The following FANCD2 variants were observed in gnomAD, a reference collection of about 807,000 sequenced individuals.
FANCD2 encodes the protein FA complementation group D2.
In FANCD2, 131 loss-of-function variants were observed where a neutral mutation model predicts 192.3. The observed-to-expected ratio is 0.68, with a 90% CI of 0.59 to 0.79. The LOEUF (loss-of-function observed/expected upper bound fraction) is 0.79. FANCD2 is among the 30% of genes least tolerant of loss of function. FANCD2 has a pLI of 0.00. For missense variants in FANCD2, 1,508 were observed against 1,701.6 expected (o/e 0.89, Z 2.00); for synonymous variants, 524 against 612.5 (o/e 0.86, Z 2.13).
At chr3:10,042,896 A>G (rs545995277) in intron 11 of FANCD2, among the ~76,000 whole-genome samples, 154 bp from the exon 12 acceptor site, 2 of 152,320 alleles carry the variant, frequency 1.3e-5, no homozygotes, top group South Asian at 4.1e-4. Flanking sequence ...ATGACATTGC[A>G]TTGGCTATTC....
intron 1 of FANCD2, among the ~76,000 whole-genome samples, chr3:10,027,914 A>AAAAG: frequency 6.7e-6 from 1 of 149,916 alleles, no homozygotes; most frequent in African/African-American, 2.5e-5. Context: ...CAAAAAAAAA[A>AAAAG]AAAAAAAAAA....
At chr3:10,066,789 A>C (rs928635755) in intron 25 of FANCD2, among the ~76,000 whole-genome samples, 5 of 152,100 alleles carry the variant, frequency 3.3e-5, no homozygotes, top group Non-Finnish European at 5.9e-5. Flanking sequence ...CGGTGGCTCA[A>C]TCTCGGCTCA....
intron 25 of FANCD2, among the ~76,000 whole-genome samples, chr3:10,066,278 C>G (rs888795760): frequency 6.6e-6 from 1 of 152,234 alleles, no homozygotes; most frequent in Non-Finnish European, 1.5e-5. Flanking sequence ...CATATGCCTA[C>G]TGTTTTGATT....
chr3:10,035,055 C>T, intron 5 of FANCD2, 118 bp from the exon 6 acceptor site: 1 of 839,904 alleles, frequency 1.2e-6, no homozygotes. Context: ...TATTTCTTGT[C>T]TAACAGGGTA....
intron 20 of FANCD2, among the ~76,000 whole-genome samples, chr3:10,062,584 G>A (rs577981612): frequency 7.2e-5 from 11 of 152,204 alleles, no homozygotes; most frequent in East Asian, 1.9e-4. Flanking sequence ...AGTAACTGAA[G>A]AATTGCTTCT....
rs536787122 is a variant in FANCD2, at chr3:10,055,128, A to G, written c.1656+2631A>G. Among the ~76,000 whole-genome samples the G allele has an allele frequency of 7.4e-4, 112 of 152,332 alleles. 1 individual carries two copies. The South Asian group carries it at 0.018, about 25-fold the overall frequency. On this transcript the variant is annotated intron_variant, in intron 18 of 43. Coordinates refer to ENST00000675286, the MANE Select transcript of FANCD2 (RefSeq NM_001018115.3). ...TGCTTCAAATCAGCAATATAAAACTACTTCACTATTTTATTTTATTTTTGA... is the reference window on the plus strand; with the variant it reads ...TGCTTCAAATCAGCAATATAAAACTGCTTCACTATTTTATTTTATTTTTGA...
chr3:10,064,885 G>A lies in FANCD2; in HGVS notation c.2168+10G>A. 1 of 1,613,632 alleles carries A rather than the reference G, an allele frequency of 6.2e-7. No homozygotes were observed. On this transcript the variant is annotated intron_variant, in intron 23 of 43. Coordinates refer to ENST00000675286, the MANE Select transcript of FANCD2 (RefSeq NM_001018115.3). ...AGGAATCAGGCCAAAAGTCAGTATA[G>A]TTTTTCTTTTCTAAACCTGTTAGTG...
Position 10,039,776 on chromosome 3 carries a change from A to G in FANCD2, c.626A>G (p.His209Arg), listed in dbSNP as rs766042324. 1.1e-5 allele frequency: 17 copies of G among 1,613,952 alleles called. No individual in the cohort carries two copies. Among genetic ancestry groups the G allele is most frequent in the Non-Finnish European group, 1.4e-5 (16 of 1,180,028 alleles). The change falls in exon 9 of 44, where the codon CAT (histidine) becomes CGT (arginine). Residue 209 changes from histidine (H) to arginine (R), a missense_variant. Transcript: ENST00000675286. ...AGTATTGCTCCAGAGAACCTGCAGC[A>G]TGACATCATCACCAGCCTACCTGAG... is the stretch of plus-strand genomic sequence containing the variant. ...LISIAPENLQ[H>R]DIITSLPEIL...
intron 12 of FANCD2, 81 bp from the exon 13 acceptor site, chr3:10,043,403 G>C: frequency 1.8e-6 from 2 of 1,130,210 alleles, no homozygotes; most frequent in East Asian, 2.4e-5. Context: ...TTTGCTCCAG[G>C]GTACATGGCA....
intron 18 of FANCD2, among the ~76,000 whole-genome samples, chr3:10,053,632 AAAC>A (rs1333658443): frequency 2.6e-5 from 4 of 151,838 alleles, no homozygotes; most frequent in Non-Finnish European, 4.4e-5. Context: ...AGAAAAAAAA[AAAC>A]AAGCAAATGA....
At chr3:10,095,878 A>ATTTTTTTT (rs397950663) in intron 41 of FANCD2, among the ~76,000 whole-genome samples, 6 of 125,772 alleles carry the variant, frequency 4.8e-5, no homozygotes, top group Non-Finnish European at 6.6e-5. Context: ...CTGAACAGTG[A>ATTTTTTTT]TTTTTTTTTT....
At chr3:10,085,543 C>T (rs1012278214) in intron 32 of FANCD2, among the ~76,000 whole-genome samples, 1 of 152,034 alleles carries the variant, frequency 6.6e-6, no homozygotes, top group Non-Finnish European at 1.5e-5. Flanking sequence ...AGGTGCCCGC[C>T]ACCACACCCA....
Position 10,098,976 on chromosome 3 carries a change from G to T in FANCD2, c.4281+161G>T, listed in dbSNP as rs373904701. On this transcript the variant is annotated intron_variant, in intron 43 of 43. Coordinates refer to ENST00000675286, the MANE Select transcript of FANCD2 (RefSeq NM_001018115.3). ...CAGCTTCTGTGCTTATATAATTTTTGGGACCCAGAAGAAACAACGACACAA... is the reference window on the plus strand; with the variant it reads ...CAGCTTCTGTGCTTATATAATTTTTTGGACCCAGAAGAAACAACGACACAA... The T allele has an allele frequency of 9.9e-5, 160 of 1,614,036 alleles. No homozygotes were observed. The African/African-American group carries it at 1.8e-3, about 18-fold the overall frequency.
intron 8 of FANCD2, 137 bp from the exon 9 acceptor site, chr3:10,039,584 G>A: frequency 1.0e-6 from 1 of 1,003,748 alleles, no homozygotes; most frequent in Non-Finnish European, 1.5e-6. Flanking sequence ...AAATATTTGG[G>A]AAGATTCTTT....
intron 18 of FANCD2, among the ~76,000 whole-genome samples, chr3:10,056,596 A>T (rs1246669590): frequency 6.6e-6 from 1 of 152,138 alleles, no homozygotes; most frequent in Admixed American, 6.6e-5. Flanking sequence ...CAGTGGCGTG[A>T]TCATACTTCA....
chr3:10,029,978 G>T (rs1030062711), intron 2 of FANCD2, among the ~76,000 whole-genome samples: 2 of 151,888 alleles, frequency 1.3e-5, no homozygotes, highest in Admixed American at 6.6e-5. Flanking sequence ...TAGAGACGGG[G>T]TTTCACCATG....
At chr3:10,046,132 T>C (rs1464645406) in intron 14 of FANCD2, among the ~76,000 whole-genome samples, 2 of 149,746 alleles carry the variant, frequency 1.3e-5, no homozygotes, top group Non-Finnish European at 3.0e-5. Flanking sequence ...CGGCTCACTG[T>C]AAGCTCTGCC....
intron 25 of FANCD2, among the ~76,000 whole-genome samples, chr3:10,066,609 G>A (rs1316660646): frequency 6.6e-6 from 1 of 152,186 alleles, no homozygotes; most frequent in Non-Finnish European, 1.5e-5. Context: ...ACTCAGCCAA[G>A]GTCACACAGT....
intron 3 of FANCD2, among the ~76,000 whole-genome samples, chr3:10,034,194 C>T (rs937229154): frequency 2.8e-5 from 4 of 144,018 alleles, no homozygotes; most frequent in Admixed American, 6.7e-5. Flanking sequence ...CAAAAAAAAA[C>T]GTGTCTGTAG....
Sources: gnomAD v4.1 joint callset for allele counts (sites outside exome capture counted in the v4.1 genomes callset) on GRCh38, gnomAD v4.1.1 for gene constraint, MANE v1.5 for transcripts, NCBI Gene and HGNC (gene_info 2026-07-23, HGNC 2026-07-21) for gene names.